STARD13: variants seen among roughly 807,000 people sequenced by gnomAD.
The protein encoded by STARD13 is StAR related lipid transfer domain containing 13.
Under a neutral mutation model 106.4 loss-of-function variants are expected in STARD13, and 62 were observed. That is an observed-to-expected ratio of 0.58 (90% CI 0.48 to 0.72). STARD13 has a LOEUF of 0.72. Among genes scored for constraint, STARD13 ranks in the 30% least tolerant of loss-of-function variants. STARD13 has a pLI of 0.00. For missense variants in STARD13, 1,387 were observed against 1,424.0 expected (o/e 0.97, Z 0.42); for synonymous variants, 565 against 553.0 (o/e 1.02, Z -0.31).
At chr13:33,206,821 C>A (rs1489594134) in intron 1 of STARD13, among the ~76,000 whole-genome samples, 1 of 152,142 alleles carries the variant, frequency 6.6e-6, no homozygotes, top group Non-Finnish European at 1.5e-5. Flanking sequence ...ACACGTTTAC[C>A]ATGAATAGAA....
At chr13:33,508,126 A>C in the STARD13 span, among the ~76,000 whole-genome samples, 2 of 152,168 alleles carry the variant, frequency 1.3e-5, no homozygotes, top group African/African-American at 2.4e-5. Context: ...TTGATTTAGC[A>C]TCTTCTTCAG....
intron 7 of STARD13, among the ~76,000 whole-genome samples, chr13:33,120,477 G>C (rs1344382541): frequency 6.6e-6 from 1 of 152,160 alleles, no homozygotes; most frequent in African/African-American, 2.4e-5. Flanking sequence ...ATGTCCAGAG[G>C]GTAGTCAGGG....
At chr13:33,216,920 A>G (rs1001451154) in intron 1 of STARD13, among the ~76,000 whole-genome samples, 1 of 152,174 alleles carries the variant, frequency 6.6e-6, no homozygotes, top group Non-Finnish European at 1.5e-5. Context: ...TCCCTGGCCC[A>G]TCCCTTGGAA....
the STARD13 span, among the ~76,000 whole-genome samples, chr13:33,622,426 T>C: frequency 6.6e-6 from 1 of 150,948 alleles, no homozygotes; most frequent in African/African-American, 2.4e-5. Flanking sequence ...TCATTTGAGG[T>C]CAGGAGCTCG....
the STARD13 span, among the ~76,000 whole-genome samples, chr13:33,557,817 G>T: frequency 1.4e-3 from 208 of 152,266 alleles, no homozygotes; most frequent in African/African-American, 4.5e-3. Context: ...TTGCTAAGAG[G>T]CAGGAAGGTA....
In STARD13 at chr13:33,109,981, T is replaced by A. The variant is rs1430488401; in HGVS notation, c.2939A>T (p.Asp980Val). ...VLRERHLWDEDFVQWKVVETL... is the reference protein window; with the variant it reads ...VLRERHLWDEVFVQWKVVETL... The stretch of plus-strand genomic sequence containing the variant: ...TTCCACAACCTTCCACTGCACAAAG[T>A]CCTCGTCCCACAGGTGGCGCTCTCT... The change falls in exon 12 of 14, where the codon GAC becomes GTC. Residue 980 changes from aspartate (D) to valine (V), a missense_variant. Coordinates refer to ENST00000336934, the MANE Select transcript of STARD13 (RefSeq NM_178006.4). 6.2e-7 allele frequency: 1 copy of A among 1,614,172 alleles called. No individual in the cohort carries two copies. Among genetic ancestry groups the A allele is most frequent in the Non-Finnish European group, 8.5e-7 (1 of 1,180,032 alleles).
the STARD13 span, among the ~76,000 whole-genome samples, chr13:33,503,020 T>C: frequency 1.3e-5 from 2 of 152,234 alleles, no homozygotes; most frequent in Admixed American, 6.5e-5. Context: ...CTTGACTTTT[T>C]TTGATTGGTA....
rs183557739 is a variant in STARD13, at chr13:33,343,163, C to G, written c.124+7127G>C. 2.0e-5 allele frequency among the ~76,000 whole-genome samples: 3 copies of G among 152,178 alleles called. No individual in the cohort carries two copies. In the East Asian group the frequency reaches 5.8e-4, roughly 29 times the overall value. On this transcript the variant is annotated intron_variant, in intron 1 of 5. Coordinates refer to the STARD13 transcript ENST00000567873. ...CTTTGAGTCCTTTTTCTCTCCCATG[C>G]AAATCTGCCAGTTATCCTCATCTTG... is the stretch of plus-strand genomic sequence containing the variant.
the STARD13 span, among the ~76,000 whole-genome samples, chr13:33,519,644 C>T: frequency 6.6e-6 from 1 of 152,020 alleles, no homozygotes; most frequent in Admixed American, 6.6e-5. Context: ...TAGCAAGCGC[C>T]ATTACATAAT....
chr13:33,398,584 T>G, the STARD13 span, among the ~76,000 whole-genome samples: 2 of 151,440 alleles, frequency 1.3e-5, no homozygotes, highest in African/African-American at 4.9e-5. Flanking sequence ...AGAATATATA[T>G]AAAAAATTCA....
chr13:33,636,642 C>T, the STARD13 span, among the ~76,000 whole-genome samples: 1 of 152,172 alleles, frequency 6.6e-6, no homozygotes, highest in Non-Finnish European at 1.5e-5. Context: ...CCTGTATCTC[C>T]AGAAGAATAG....
At chr13:33,424,016 C>G in the STARD13 span, among the ~76,000 whole-genome samples, 1 of 151,948 alleles carries the variant, frequency 6.6e-6, no homozygotes, top group Non-Finnish European at 1.5e-5. Context: ...ATGTGTGCAG[C>G]AAACAAACAT....
intron 1 of STARD13, among the ~76,000 whole-genome samples, chr13:33,335,996 T>G (rs1566145947): frequency 1.8e-5 from 2 of 111,392 alleles, no homozygotes. Context: ...CATTCATTAA[T>G]TCATTCACTC....
chr13:33,289,937 G>A (rs550517726), upstream of STARD13, among the ~76,000 whole-genome samples: 144 of 147,966 alleles, frequency 9.7e-4, 1 homozygote, highest in African/African-American at 3.4e-3. Context: ...CATTCTGTCC[G>A]TCCTCAAGGC....
At chr13:33,656,488 T>C in the STARD13 span, among the ~76,000 whole-genome samples, 1 of 150,772 alleles carries the variant, frequency 6.6e-6, no homozygotes, top group Non-Finnish European at 1.5e-5. Context: ...TCATAAAAAA[T>C]TAGGTTATGA....
At chr13:33,659,286 T>TCTCACTGCAACCTCTG in the STARD13 span, among the ~76,000 whole-genome samples, 1 of 150,090 alleles carries the variant, frequency 6.7e-6, no homozygotes, top group Non-Finnish European at 1.5e-5. Context: ...TGCCATCTCG[T>TCTCACTGCAACCTCTG]CTCACTGCAA....
At chr13:33,435,045 AT>A in the STARD13 span, among the ~76,000 whole-genome samples, 2 of 152,188 alleles carry the variant, frequency 1.3e-5, no homozygotes, top group Admixed American at 1.3e-4. Flanking sequence ...GCAGAGAAGG[AT>A]TTTTAAAACA....
chr13:33,504,952 C>T, the STARD13 span, among the ~76,000 whole-genome samples: 1 of 152,138 alleles, frequency 6.6e-6, no homozygotes, highest in Non-Finnish European at 1.5e-5. Flanking sequence ...CCTTCAGCTA[C>T]AGCCTGCATA....
At chr13:33,118,766 TCC>T (rs1312274448) in intron 7 of STARD13, among the ~76,000 whole-genome samples, 5 of 152,174 alleles carry the variant, frequency 3.3e-5, no homozygotes, top group Non-Finnish European at 5.9e-5. Context: ...AACAGCCATA[TCC>T]AGTGCCCCTG....
Sources: allele counts gnomAD v4.1 joint callset (sites outside exome capture counted in the v4.1 genomes callset), GRCh38; gene constraint gnomAD v4.1.1; transcripts MANE v1.5; gene names NCBI Gene and HGNC (gene_info 2026-07-23, HGNC 2026-07-21).